The following SETD3 variants were observed in gnomAD, a reference collection of about 807,000 sequenced individuals.
SETD3 encodes actin-histidine N-methyltransferase.
Under a neutral mutation model 63.0 loss-of-function variants are expected in SETD3, and 19 were observed. That is an observed-to-expected ratio of 0.30 (90% confidence interval 0.21 to 0.44). The LOEUF is 0.44. SETD3 is among the 20% of genes least tolerant of loss of function. The pLI is 1.00. For synonymous variants in SETD3, 286 were observed against 264.1 expected (o/e 1.08, Z -0.80); for missense variants, 587 against 728.5 (o/e 0.81, Z 2.24).
chr14:99,429,472 A>G (rs983023072), intron 6 of SETD3, among the ~76,000 whole-genome samples: 8 of 152,134 alleles, frequency 5.3e-5, no homozygotes, highest in Non-Finnish European at 1.2e-4. Context: ...ACATAAACAG[A>G]GCACCCCGAT....
intron 6 of SETD3, among the ~76,000 whole-genome samples, chr14:99,439,077 G>A (rs1000975187): frequency 2.6e-5 from 4 of 152,234 alleles, no homozygotes; most frequent in Non-Finnish European, 4.4e-5. Flanking sequence ...CACACAAAGA[G>A]AACTGCTAAA....
intron 8 of SETD3, chr14:99,410,272 G>C (rs1398213399): frequency 6.2e-7 from 1 of 1,612,290 alleles, no homozygotes; most frequent in African/African-American, 1.3e-5. Context: ...GAGGGTGTGG[G>C]GGGACAGGTT....
At position 99,413,995 on chromosome 14, in the gene SETD3, G is replaced by A. The variant is rs374562626; in HGVS notation, c.676-61C>T. Reference sequence around the variant, plus strand: ...AGAGAAAAAGGGAAAACAGAAATCAGTCAGCAGAATTTCATTATTTAGCTG... The same window carrying A: ...AGAGAAAAAGGGAAAACAGAAATCAATCAGCAGAATTTCATTATTTAGCTG... On this transcript the variant is annotated intron_variant, in intron 6 of 12. Coordinates refer to ENST00000331768, the MANE Select transcript of SETD3 (RefSeq NM_032233.3). 52 of 1,471,764 alleles carry A rather than the reference G, an allele frequency of 3.5e-5. No individual in the cohort carries two copies. The African/African-American group carries it at 7.1e-4, about 20-fold the overall frequency. The allele number at this position is 1,471,764 out of a possible 1,614,324, so 91.2% of individuals were successfully genotyped here.
At chr14:99,421,671 C>T (rs761575598) in intron 6 of SETD3, among the ~76,000 whole-genome samples, 1 of 151,976 alleles carries the variant, frequency 6.6e-6, no homozygotes, top group Non-Finnish European at 1.5e-5. Flanking sequence ...GGCACTCTAT[C>T]GAGAACTCTA....
At chr14:99,486,096 C>G in the SETD3 span, among the ~76,000 whole-genome samples, 1 of 152,294 alleles carries the variant, frequency 6.6e-6, no homozygotes, top group African/African-American at 2.4e-5. Flanking sequence ...TTCAGTGTCT[C>G]TAATAAACAA....
Position 99,412,940 on chromosome 14 carries a change from G to A in SETD3, c.849+11C>T, listed in dbSNP as rs1213991868. On this transcript the variant is annotated intron_variant, in intron 8 of 12. Transcript: ENST00000331768. Reference sequence around the variant, plus strand: ...CCAGATTCAACACAACACAGGGGAAGAGGTCGTTACCAGGCCGTTGGTGTG... The same window carrying A: ...CCAGATTCAACACAACACAGGGGAAAAGGTCGTTACCAGGCCGTTGGTGTG... 10 of 1,565,982 alleles carry A rather than the reference G, an allele frequency of 6.4e-6. No individual in the cohort carries two copies. The highest frequency in any genetic ancestry group is 4.5e-5 in the East Asian group (2 of 44,632).
rs561810898 is a variant in SETD3, at chr14:99,398,310, A to G, written c.*369T>C. On this transcript the variant is annotated 3_prime_UTR_variant, in exon 13 of 13. Coordinates refer to ENST00000331768, the MANE Select transcript of SETD3 (RefSeq NM_032233.3). ...AATTCTGGCTGGCAGGAGGCAGAGC[A>G]AGCTTTCATTCTGGTCATCAAGATG... is the stretch of plus-strand genomic sequence containing the variant. 19 of 176,054 alleles carry G rather than the reference A, an allele frequency of 1.1e-4. No homozygotes were observed. The South Asian group carries it at 2.8e-3, about 26-fold the overall frequency. 10.9% of individuals were successfully genotyped at this position (176,054 alleles called of 1,614,324 possible). A position where few individuals can be genotyped will look rare whatever the true frequency, so the allele number is the denominator to read the frequency against.
At chr14:99,450,958 C>G (rs1894424975) in intron 6 of SETD3, among the ~76,000 whole-genome samples, 1 of 152,214 alleles carries the variant, frequency 6.6e-6, no homozygotes, top group Non-Finnish European at 1.5e-5. Flanking sequence ...CCCCACGTCA[C>G]AGCACTGGGC....
intron 6 of SETD3, among the ~76,000 whole-genome samples, chr14:99,425,346 G>A (rs1006438561): frequency 3.3e-5 from 5 of 152,208 alleles, no homozygotes; most frequent in Admixed American, 6.5e-5. Context: ...GGGGTTAGGC[G>A]CATGCAAGAA....
At chr14:99,476,194 C>CA (rs1226811556) in intron 1 of SETD3, among the ~76,000 whole-genome samples, 1 of 152,204 alleles carries the variant, frequency 6.6e-6, no homozygotes, top group Admixed American at 6.5e-5. Flanking sequence ...ATGATAGACT[C>CA]AGTTTGTGTC....
intron 11 of SETD3, among the ~76,000 whole-genome samples, chr14:99,401,672 T>G (rs1181206399): frequency 6.6e-6 from 1 of 152,168 alleles, no homozygotes. Context: ...AAATTCAGGA[T>G]TTTTAGTTTT....
intron 6 of SETD3, among the ~76,000 whole-genome samples, chr14:99,424,376 G>C (rs1277650874): frequency 6.6e-6 from 1 of 152,124 alleles, no homozygotes; most frequent in African/African-American, 2.4e-5. Flanking sequence ...GAGGGGACTG[G>C]GCAGGGAAAG....
At chr14:99,465,971 G>A (rs1012191895) in intron 1 of SETD3, among the ~76,000 whole-genome samples, 158 bp from the exon 2 acceptor site, 8 of 151,888 alleles carry the variant, frequency 5.3e-5, no homozygotes, top group Non-Finnish European at 1.5e-5. Flanking sequence ...TGTAGTATTA[G>A]TATCTAGAGG....
intron 6 of SETD3, among the ~76,000 whole-genome samples, chr14:99,430,151 A>T (rs1255200946): frequency 6.6e-6 from 1 of 152,186 alleles, no homozygotes; most frequent in African/African-American, 2.4e-5. Flanking sequence ...CAAGTTTAGC[A>T]CTGGCTCCCA....
intron 6 of SETD3, among the ~76,000 whole-genome samples, chr14:99,436,074 C>G (rs1419077856): frequency 6.6e-6 from 1 of 152,092 alleles, no homozygotes; most frequent in Non-Finnish European, 1.5e-5. Context: ...GGGGAAAGAG[C>G]CCTTATAAAA....
At position 99,420,102 on chromosome 14, in the gene SETD3, C is replaced by G. The variant is rs536737031; in HGVS notation, c.676-6168G>C. 2.5e-3 allele frequency among the ~76,000 whole-genome samples: 374 copies of G among 152,302 alleles called. 1 individual carries two copies. Among genetic ancestry groups the G allele is most frequent in the African/African-American group, 8.7e-3 (361 of 41,560 alleles). Reference sequence around the variant, plus strand: ...ATGGTAGGCAAGGTCATGCAAATCCCTCTTCTTCCGGGCCACCTTCTCCAA... The same window carrying G: ...ATGGTAGGCAAGGTCATGCAAATCCGTCTTCTTCCGGGCCACCTTCTCCAA... On this transcript the variant is annotated intron_variant, in intron 6 of 12. Coordinates refer to ENST00000331768, the MANE Select transcript of SETD3 (RefSeq NM_032233.3).
chr14:99,406,491 T>G (rs768066772), intron 9 of SETD3, 25 bp downstream of exon 9: 2 of 1,610,998 alleles, frequency 1.2e-6, no homozygotes, highest in Non-Finnish European at 1.7e-6. Context: ...CTGGCTCACA[T>G]TTTGTGAGAT....
At chr14:99,437,605 A>C (rs1188110498) in intron 6 of SETD3, among the ~76,000 whole-genome samples, 1 of 152,162 alleles carries the variant, frequency 6.6e-6, no homozygotes, top group Non-Finnish European at 1.5e-5. Context: ...AAAAAAGAAA[A>C]GGCACTAGAT....
chr14:99,437,917 A>G (rs1052867407), intron 6 of SETD3, among the ~76,000 whole-genome samples: 1 of 152,228 alleles, frequency 6.6e-6, no homozygotes, highest in Non-Finnish European at 1.5e-5. Flanking sequence ...GCAGTCCCTC[A>G]GGTCAGCCCA....
Sources: gnomAD v4.1 joint callset for allele counts (sites outside exome capture counted in the v4.1 genomes callset) on GRCh38, gnomAD v4.1.1 for gene constraint, MANE v1.5 for transcripts, NCBI Gene and HGNC (gene_info 2026-07-23, HGNC 2026-07-21) for gene names.